Variants in VWF observed in about 807,000 individuals in gnomAD.
The protein encoded by VWF is Factor VIII related antigen.
In VWF, 176 loss-of-function variants were observed where a neutral mutation model predicts 308.6. That is an observed-to-expected ratio of 0.57 (90% CI 0.50 to 0.65). VWF has a LOEUF of 0.65. VWF is among the 30% of genes least tolerant of loss of function. The probability of loss-of-function intolerance (pLI) is 0.00; values close to 1 mark genes in which losing one functional copy is unlikely to be tolerated. For missense variants in VWF, 3,146 were observed against 3,648.2 expected (o/e 0.86, Z 3.55); for synonymous variants, 1,385 against 1,443.4 (o/e 0.96, Z 0.92).
chr12:6,016,014 C>T, intron 31 of VWF, 75 bp downstream of exon 31: 1 of 1,597,256 alleles, frequency 6.3e-7, no homozygotes, highest in Admixed American at 1.7e-5. Flanking sequence ...AAAAGTAACC[C>T]CAGCCCACTT....
At chr12:6,064,140 G>A in intron 12 of VWF, 106 bp downstream of exon 12, 1 of 1,565,756 alleles carries the variant, frequency 6.4e-7, no homozygotes, top group Non-Finnish European at 8.8e-7. Context: ...ACATTCCCAT[G>A]GAAGAGGCAT....
At chr12:6,041,201 A>T (rs1483293973) in intron 18 of VWF, among the ~76,000 whole-genome samples, 1 of 152,024 alleles carries the variant, frequency 6.6e-6, no homozygotes, top group Non-Finnish European at 1.5e-5. Flanking sequence ...AGACAGAGGT[A>T]GGCAGACCAC....
At position 6,052,803 on chromosome 12, in the gene VWF, T is replaced by A. The variant is rs76974828; in HGVS notation, c.1946-20A>T. 25 of 821,408 alleles carry A rather than the reference T, an allele frequency of 3.0e-5. No individual in the cohort carries two copies. Among genetic ancestry groups the A allele is most frequent in the Non-Finnish European group, 4.5e-5 (24 of 528,170 alleles). 50.9% of individuals were successfully genotyped at this position (821,408 alleles called of 1,614,324 possible). On this transcript the variant is annotated intron_variant, in intron 15 of 51. Transcript: ENST00000261405. Reference sequence around the variant, plus strand: ...TCAGCTCTAGAAGAGAGAGGAGAAGTAAGGCCTCAGCGGGAATGTTGGACA... The same window carrying A: ...TCAGCTCTAGAAGAGAGAGGAGAAGAAAGGCCTCAGCGGGAATGTTGGACA...
chr12:6,027,491 A>C (rs1399150510), intron 22 of VWF, among the ~76,000 whole-genome samples: 1 of 152,318 alleles, frequency 6.6e-6, no homozygotes, highest in East Asian at 1.9e-4. Flanking sequence ...AACCTGGATT[A>C]TCTGTGTGGG....
intron 36 of VWF, 79 bp from the exon 37 acceptor site, chr12:5,994,282 T>A: frequency 6.3e-7 from 1 of 1,596,464 alleles, no homozygotes; most frequent in East Asian, 2.2e-5. Flanking sequence ...GACAGGCCAT[T>A]CTTGATCCTC....
Position 6,058,036 on chromosome 12 carries a change from G to A in VWF, c.1542C>T (p.Pro514=), listed in dbSNP as rs1374807995. The part of the protein sequence containing the change: ...GRGRLLVKLS[P]VYAGKTCGLC... ...GGCCGCAGGTCTTCCCGGCATAGACGGGGGACAGCTGCAGGAGAGACCAGG... is the reference window on the plus strand; with the variant it reads ...GGCCGCAGGTCTTCCCGGCATAGACAGGGGACAGCTGCAGGAGAGACCAGG... Residue 514 remains proline, a synonymous_variant, in exon 14 of 52, where the codon CCC becomes CCT. Transcript: ENST00000261405. This position sits in a 1 kb window ranked among gnomAD's most constrained non-coding sequence, Gnocchi z 4.9. 4 of 1,612,980 alleles carry A rather than the reference G, an allele frequency of 2.5e-6. No individual in the cohort carries two copies. The highest frequency in any genetic ancestry group is 2.2e-5 in the East Asian group (1 of 44,880).
chr12:6,095,698 AAG>A, intron 5 of VWF, 114 bp from the exon 6 acceptor site: 2 of 1,488,944 alleles, frequency 1.3e-6, no homozygotes, highest in African/African-American at 2.8e-5. Context: ...ATTTTTTATA[AAG>A]AGACAGGGTC....
intron 43 of VWF, among the ~76,000 whole-genome samples, 190 bp from the exon 44 acceptor site, chr12:5,971,899 T>G (rs577849405): frequency 3.9e-5 from 6 of 152,180 alleles, no homozygotes; most frequent in Non-Finnish European, 7.4e-5. Flanking sequence ...CTAAACGAAG[T>G]CTTACATCAG....
chr12:6,100,635 T>C (rs376576977), intron 5 of VWF, among the ~76,000 whole-genome samples: 11 of 151,790 alleles, frequency 7.2e-5, no homozygotes, highest in African/African-American at 2.7e-4. Context: ...AGTAAACTAT[T>C]GCAAGGACAA....
chr12:5,986,963 T>C (rs934519261), intron 38 of VWF, among the ~76,000 whole-genome samples: 1 of 152,226 alleles, frequency 6.6e-6, no homozygotes, highest in African/African-American at 2.4e-5. Context: ...AGTCGCACTC[T>C]CTCGCCTAGA....
rs1386336818 is a variant in VWF at position 6,105,255 on chromosome 12, G to A, written c.532+5119C>T. ...TATACAATTTTTTTTTTGAGACAGA[G>A]TCTCGCTTTGTCACCCAGGCTAGAG... On this transcript the variant is annotated intron_variant, in intron 5 of 51. Transcript: ENST00000261405. Among the ~76,000 whole-genome samples, 7 of 152,154 alleles carry A rather than the reference G, an allele frequency of 4.6e-5. No individual in the cohort carries two copies. In the South Asian group the frequency reaches 8.3e-4, roughly 18 times the overall value.
chr12:6,109,387 T>C (rs1033530402), intron 5 of VWF, among the ~76,000 whole-genome samples: 17 of 152,100 alleles, frequency 1.1e-4, no homozygotes, highest in Non-Finnish European at 2.5e-4. Context: ...AGAGGGAAAT[T>C]TATAGCCCTA....
At chr12:6,031,079 T>C (rs1944256435) in intron 21 of VWF, among the ~76,000 whole-genome samples, 1 of 150,680 alleles carries the variant, frequency 6.6e-6, no homozygotes. Context: ...ATATGAAACA[T>C]ATCCCATAAC....
intron 6 of VWF, among the ~76,000 whole-genome samples, chr12:6,083,492 G>A (rs2136484136): frequency 6.6e-6 from 1 of 152,350 alleles, no homozygotes; most frequent in Admixed American, 6.5e-5. Context: ...TTGAGCCTGG[G>A]AGGCAGAGGT....
rs1428418373 is a variant in VWF, at chr12:6,075,115, C to T, written c.874+220G>A. Among the ~76,000 whole-genome samples the T allele has an allele frequency of 3.4e-5, 4 of 118,184 alleles. No individual in the cohort carries two copies. The highest frequency in any genetic ancestry group is 6.7e-5 in the African/African-American group (2 of 29,754). 77.5% of individuals were successfully genotyped at this position (118,184 alleles called of 152,430 possible). ...CGCCAGGGGAGGCGTGGGGGCGGGA[C>T]GGAGGCAGGGGCAGGACACGGGGCT... On this transcript the variant is annotated intron_variant, in intron 7 of 51. Transcript: ENST00000261405. The surrounding 1 kb of genome is among the most constrained non-coding windows in gnomAD (Gnocchi z 4.7).
chr12:6,026,513 T>C (rs947689226), intron 22 of VWF, among the ~76,000 whole-genome samples: 4 of 152,176 alleles, frequency 2.6e-5, no homozygotes, highest in African/African-American at 7.2e-5. Context: ...GTGCAGCCTG[T>C]TCAGAGTAGG....
At chr12:6,057,483 A>AT (rs376988383) in intron 14 of VWF, among the ~76,000 whole-genome samples, 2,149 of 66,120 alleles carry the variant, frequency 0.033, 30 homozygotes, top group African/African-American at 0.07. Flanking sequence ...CGGCAAATTT[A>AT]TTATTATTAT....
chr12:6,074,977 G>C (rs2239155), intron 7 of VWF, among the ~76,000 whole-genome samples: 1 of 152,058 alleles, frequency 6.6e-6, no homozygotes, highest in African/African-American at 2.4e-5. Flanking sequence ...TCATCAATTC[G>C]GGCGGGCAGG....
At chr12:6,103,398 ACG>A (rs1491406870) in intron 5 of VWF, among the ~76,000 whole-genome samples, 74 of 111,416 alleles carry the variant, frequency 6.6e-4, no homozygotes, top group African/African-American at 5.1e-3. Flanking sequence ...GTGTGTATAC[ACG>A]TGTGTGTATA....
Sources: allele counts gnomAD v4.1 joint callset (sites outside exome capture counted in the v4.1 genomes callset), GRCh38; gene constraint gnomAD v4.1.1; non-coding constraint Gnocchi (gnomAD v3.1); transcripts MANE v1.5; gene names NCBI Gene and HGNC (gene_info 2026-07-23, HGNC 2026-07-21).